The following ERC2 variants were observed in gnomAD, a reference collection of about 807,000 sequenced individuals.
ERC2 encodes ELKS/RAB6-interacting/CAST family member 2, also known as ERC protein 2.
ERC2 carries 42 observed loss-of-function variants against 114.8 expected under a neutral mutation model. The observed-to-expected ratio is 0.37, with a 90% CI of 0.29 to 0.47. ERC2 has a LOEUF of 0.47. Among genes scored for constraint, ERC2 ranks in the 20% least tolerant of loss-of-function variants. The probability of loss-of-function intolerance (pLI) is 0.99; values close to 1 mark genes in which losing one functional copy is unlikely to be tolerated. For missense variants in ERC2, 939 were observed against 1,150.7 expected, an observed-to-expected ratio of 0.82 and a Z score of 2.66; for synonymous variants, 454 against 425.5, an observed-to-expected ratio of 1.07 and a Z score of -0.82.
At chr3:55,874,086 T>C (rs1446078640) in intron 14 of ERC2, among the ~76,000 whole-genome samples, 1 of 152,224 alleles carries the variant, frequency 6.6e-6, no homozygotes, top group Non-Finnish European at 1.5e-5. Flanking sequence ...TGTGTTGCAT[T>C]AGAGCAGTTG....
chr3:55,593,496 C>G (rs2057996865), intron 17 of ERC2, among the ~76,000 whole-genome samples: 1 of 152,188 alleles, frequency 6.6e-6, no homozygotes, highest in Non-Finnish European at 1.5e-5. Context: ...TCAGATGGTA[C>G]TTCTTGTTAA....
chr3:55,890,443 T>C (rs1362061958), intron 13 of ERC2, among the ~76,000 whole-genome samples: 23 of 152,240 alleles, frequency 1.5e-4, no homozygotes, highest in Admixed American at 1.5e-3. Flanking sequence ...TCCATTATTC[T>C]CATTTGTTCA....
chr3:55,668,228 C>G (rs1478270662), intron 17 of ERC2, among the ~76,000 whole-genome samples: 1 of 152,096 alleles, frequency 6.6e-6, no homozygotes, highest in East Asian at 1.9e-4. Flanking sequence ...GGAGCTGGGT[C>G]TGAATAACCC....
chr3:56,350,364 G>T (rs747560372), intron 2 of ERC2, among the ~76,000 whole-genome samples: 1 of 152,156 alleles, frequency 6.6e-6, no homozygotes, highest in Non-Finnish European at 1.5e-5. Context: ...GAGTTCACAC[G>T]GTTGGCATAT....
Position 56,118,268 on chromosome 3 carries a change from G to A in ERC2, c.1473+21241C>T, listed in dbSNP as rs148607293. On this transcript the variant is annotated intron_variant, in intron 6 of 17. Transcript: ENST00000288221. ...GTAGTTTGTTACTAATATGAGCAGG[G>A]TCTATAAAATGGGATACTTCTACCT... 2.3e-4 allele frequency among the ~76,000 whole-genome samples: 35 copies of A among 152,250 alleles called. No homozygotes were observed. The East Asian group carries it at 6.8e-3, about 29-fold the overall frequency.
intron 17 of ERC2, among the ~76,000 whole-genome samples, chr3:55,670,229 T>G (rs1227396497): frequency 6.6e-6 from 1 of 152,186 alleles, no homozygotes; most frequent in Non-Finnish European, 1.5e-5. Flanking sequence ...GAGCTCACAC[T>G]CTTACCCCAT....
chr3:55,586,068 C>T (rs923820475), intron 17 of ERC2, among the ~76,000 whole-genome samples: 1 of 152,190 alleles, frequency 6.6e-6, no homozygotes, highest in African/African-American at 2.4e-5. Context: ...GCCCCGGGGG[C>T]TTCCTCCTGG....
chr3:56,242,108 G>A (rs2051360915), intron 3 of ERC2, among the ~76,000 whole-genome samples: 1 of 152,182 alleles, frequency 6.6e-6, no homozygotes, highest in Admixed American at 6.6e-5. Context: ...TAAAGAAAAT[G>A]TGGTATATGC....
intron 12 of ERC2, among the ~76,000 whole-genome samples, chr3:55,953,816 C>A (rs1248943457): frequency 6.6e-6 from 1 of 152,042 alleles, no homozygotes; most frequent in Admixed American, 6.6e-5. Context: ...CTAGCAACAA[C>A]TTCAGCATTT....
At chr3:56,393,887 C>A (rs1158101276) in intron 2 of ERC2, among the ~76,000 whole-genome samples, 2 of 152,062 alleles carry the variant, frequency 1.3e-5, no homozygotes, top group African/African-American at 4.8e-5. Flanking sequence ...CTCTTGACCC[C>A]CTGATCACCT....
chr3:56,053,553 GT>G (rs968314478), intron 7 of ERC2, among the ~76,000 whole-genome samples: 1 of 152,090 alleles, frequency 6.6e-6, no homozygotes, highest in African/African-American at 2.4e-5. Flanking sequence ...TACAATTATT[GT>G]TGGAATCATT....
At chr3:55,666,174 T>C (rs1303307075) in intron 17 of ERC2, among the ~76,000 whole-genome samples, 1 of 152,148 alleles carries the variant, frequency 6.6e-6, no homozygotes, top group African/African-American at 2.4e-5. Context: ...TCATCAGCGG[T>C]GGAGCGGGGA....
intron 15 of ERC2, among the ~76,000 whole-genome samples, chr3:55,704,806 C>A (rs1444102403): frequency 2.0e-5 from 3 of 152,212 alleles, no homozygotes; most frequent in African/African-American, 7.2e-5. Flanking sequence ...AAGGCTTCTA[C>A]TGTGGACACT....
intron 13 of ERC2, among the ~76,000 whole-genome samples, chr3:55,896,350 T>C (rs1052423823): frequency 1.3e-5 from 2 of 152,132 alleles, no homozygotes; most frequent in Non-Finnish European, 2.9e-5. Context: ...GCAAGTGGAG[T>C]AGCCTGGGGA....
At chr3:56,159,504 C>T (rs112806060) in intron 4 of ERC2, among the ~76,000 whole-genome samples, 128 of 152,156 alleles carry the variant, frequency 8.4e-4, no homozygotes, top group African/African-American at 2.0e-3. Flanking sequence ...GGTTATTTTG[C>T]GCTTTTTATC....
At chr3:56,074,523 T>C (rs1576818103) in intron 7 of ERC2, among the ~76,000 whole-genome samples, 1 of 152,140 alleles carries the variant, frequency 6.6e-6, no homozygotes, top group African/African-American at 2.4e-5. Flanking sequence ...TCCAATAAAT[T>C]AGAAGTGAGA....
At chr3:56,429,002 C>T (rs188912464) in intron 2 of ERC2, among the ~76,000 whole-genome samples, 243 of 152,226 alleles carry the variant, frequency 1.6e-3, no homozygotes, top group African/African-American at 5.4e-3. Context: ...TTATGTGTAC[C>T]TAATTTGGAA....
chr3:56,046,608 A>T (rs2075476059), intron 7 of ERC2, among the ~76,000 whole-genome samples: 1 of 152,204 alleles, frequency 6.6e-6, no homozygotes, highest in African/African-American at 2.4e-5. Flanking sequence ...ACAAATACCC[A>T]TAAAATAATG....
At chr3:55,589,807 G>T (rs111302723) in intron 17 of ERC2, among the ~76,000 whole-genome samples, 11 of 152,064 alleles carry the variant, frequency 7.2e-5, no homozygotes, top group African/African-American at 2.7e-4. Flanking sequence ...GTGAAGTTCT[G>T]ACTTCCACCA....
Sources: gnomAD v4.1 joint callset for allele counts (sites outside exome capture counted in the v4.1 genomes callset) on GRCh38, gnomAD v4.1.1 for gene constraint, MANE v1.5 for transcripts, NCBI Gene and HGNC (gene_info 2026-07-23, HGNC 2026-07-21) for gene names.